The following ARHGAP32 variants were observed in gnomAD, a reference collection of about 807,000 sequenced individuals.
The protein encoded by ARHGAP32 is Rho GTPase activating protein 32.
In ARHGAP32, 51 loss-of-function variants were observed where a neutral mutation model predicts 186.5. The observed-to-expected ratio is 0.27, with a 90% CI of 0.22 to 0.35. The LOEUF (loss-of-function observed/expected upper bound fraction) is 0.35, where lower values mean the gene tolerates loss of function less well. Ranked by LOEUF, ARHGAP32 falls within the 10% of genes least tolerant of loss-of-function variation. The pLI is 1.00. For synonymous variants in ARHGAP32, 950 were observed against 964.3 expected (o/e 0.99, Z 0.27); for missense variants, 2,186 against 2,623.5 (o/e 0.83, Z 3.64).
At chr11:129,152,329 T>G (rs1329028625) in intron 2 of ARHGAP32, among the ~76,000 whole-genome samples, 2 of 152,148 alleles carry the variant, frequency 1.3e-5, no homozygotes, top group East Asian at 3.8e-4. Context: ...GGTACCAATC[T>G]TAGTGAAACT....
At chr11:129,090,355 C>T (rs1941537857) in intron 6 of ARHGAP32, among the ~76,000 whole-genome samples, 1 of 152,040 alleles carries the variant, frequency 6.6e-6, no homozygotes, top group Non-Finnish European at 1.5e-5. Flanking sequence ...AGTGATTAAC[C>T]CACCTACCAT....
chr11:129,174,729 A>G (rs1040377583), intron 1 of ARHGAP32, among the ~76,000 whole-genome samples: 13 of 152,204 alleles, frequency 8.5e-5, no homozygotes, highest in Non-Finnish European at 7.3e-5. Flanking sequence ...GCAGCTGAGG[A>G]TCCTGTCTGT....
intron 1 of ARHGAP32, among the ~76,000 whole-genome samples, chr11:129,274,238 G>A (rs1054894680): frequency 2.0e-5 from 3 of 152,050 alleles, no homozygotes; most frequent in African/African-American, 7.3e-5. Flanking sequence ...ACTACCTTGG[G>A]GAATATTCCT....
chr11:129,074,783 C>T (rs1940984215), intron 6 of ARHGAP32, among the ~76,000 whole-genome samples: 1 of 152,156 alleles, frequency 6.6e-6, no homozygotes, highest in Non-Finnish European at 1.5e-5. Flanking sequence ...TGAGCCACCA[C>T]ACCCGGCCTA....
chr11:129,107,173 GA>G (rs1942070425), intron 5 of ARHGAP32, among the ~76,000 whole-genome samples: 1 of 152,094 alleles, frequency 6.6e-6, no homozygotes, highest in Non-Finnish European at 1.5e-5. Flanking sequence ...AATACTGAAA[GA>G]AAAACCTAGT....
At chr11:129,025,668 GAGAA>G (rs1268978911) in intron 11 of ARHGAP32, among the ~76,000 whole-genome samples, 2 of 151,792 alleles carry the variant, frequency 1.3e-5, no homozygotes, top group African/African-American at 2.4e-5. Context: ...GAAGAAAAAA[GAGAA>G]AGAAGAGAAG....
At chr11:129,192,782 T>C (rs969426870), upstream of ARHGAP32, among the ~76,000 whole-genome samples, 4 of 152,320 alleles carry the variant, frequency 2.6e-5, no homozygotes, top group East Asian at 5.8e-4. Flanking sequence ...GACTGCCATA[T>C]GCATCTCTGC....
chr11:129,016,281 G>T (rs1034975481), intron 11 of ARHGAP32, among the ~76,000 whole-genome samples: 2 of 151,838 alleles, frequency 1.3e-5, no homozygotes, highest in Non-Finnish European at 1.5e-5. Flanking sequence ...AATCCTTTAC[G>T]TATTATAAAG....
At chr11:129,037,267 C>T (rs117757548) in intron 11 of ARHGAP32, among the ~76,000 whole-genome samples, 1,765 of 151,804 alleles carry the variant, frequency 0.012, 21 homozygotes, top group Non-Finnish European at 0.02. Context: ...GAGGCTCATG[C>T]GGGAGGATCA....
chr11:128,987,725 T>A (rs1276607888), intron 13 of ARHGAP32, among the ~76,000 whole-genome samples: 2 of 152,154 alleles, frequency 1.3e-5, no homozygotes, highest in South Asian at 4.1e-4. Context: ...TTTATTATAA[T>A]GCAAATTTCC....
intron 5 of ARHGAP32, among the ~76,000 whole-genome samples, chr11:129,100,986 C>T (rs1202650538): frequency 6.6e-6 from 1 of 152,178 alleles, no homozygotes; most frequent in Non-Finnish European, 1.5e-5. Context: ...ACTGTCACCA[C>T]CCATTGGAGT....
intron 1 of ARHGAP32, among the ~76,000 whole-genome samples, chr11:129,236,629 T>C (rs1014510955): frequency 2.6e-5 from 4 of 152,240 alleles, no homozygotes; most frequent in African/African-American, 9.6e-5. Flanking sequence ...TGAATTCATT[T>C]ACCAATTTTA....
rs146214168 is a variant in ARHGAP32 at position 129,135,575 on chromosome 11, G to T, written c.226-10681C>A. Among the ~76,000 whole-genome samples the T allele has an allele frequency of 2.3e-3, 353 of 152,178 alleles. 1 individual carries two copies. Among genetic ancestry groups the T allele is most frequent in the African/African-American group, 8.3e-3 (344 of 41,484 alleles). ...AAGGTCAGGAGATCGAGACCATCCT[G>T]TCTAACACAGTGAAACCCTGTCTCT... On this transcript the variant is annotated intron_variant, in intron 2 of 22. Transcript: ENST00000682385.
At chr11:129,023,975 T>C in intron 11 of ARHGAP32, 1 of 985,304 alleles carries the variant, frequency 1.0e-6, no homozygotes, top group Non-Finnish European at 1.2e-6. Context: ...GTGTAGAAAA[T>C]AAATCATAAT....
chr11:129,048,994 C>A (rs1939927267), intron 10 of ARHGAP32, among the ~76,000 whole-genome samples: 2 of 151,272 alleles, frequency 1.3e-5, no homozygotes, highest in South Asian at 4.2e-4. Context: ...CAAAGTAAGA[C>A]TGGTAAGTGA....
At chr11:129,209,080 T>C (rs1420239339) in intron 1 of ARHGAP32, among the ~76,000 whole-genome samples, 2 of 152,184 alleles carry the variant, frequency 1.3e-5, no homozygotes, top group African/African-American at 2.4e-5. Flanking sequence ...TTCAAAAGCA[T>C]GGCTTTAGAA....
chr11:129,101,562 C>G (rs1434231781), intron 5 of ARHGAP32, among the ~76,000 whole-genome samples: 1 of 152,072 alleles, frequency 6.6e-6, no homozygotes, highest in East Asian at 1.9e-4. Context: ...AATGCAATCA[C>G]AAGTATTAAC....
At chr11:129,153,354 C>G (rs758168601) in intron 2 of ARHGAP32, among the ~76,000 whole-genome samples, 7 of 152,016 alleles carry the variant, frequency 4.6e-5, no homozygotes, top group Non-Finnish European at 8.8e-5. Flanking sequence ...AAAATACCAG[C>G]ATCATTCTTC....
intron 1 of ARHGAP32, among the ~76,000 whole-genome samples, chr11:129,210,844 T>C (rs1477565449): frequency 2.0e-5 from 3 of 152,222 alleles, no homozygotes; most frequent in Non-Finnish European, 4.4e-5. Context: ...AGATTATATA[T>C]AACTATTTTT....
Sources: allele counts gnomAD v4.1 joint callset (sites outside exome capture counted in the v4.1 genomes callset), GRCh38; gene constraint gnomAD v4.1.1; transcripts MANE v1.5; gene names NCBI Gene and HGNC (gene_info 2026-07-23, HGNC 2026-07-21).